ZNF804A: variants seen among roughly 807,000 people sequenced by gnomAD.
The protein encoded by ZNF804A is zinc finger protein 804A.
In ZNF804A, 2 loss-of-function variants were observed where a neutral mutation model predicts 16.5. That is an observed-to-expected ratio of 0.12 (90% CI 0.05 to 0.38). The LOEUF (loss-of-function observed/expected upper bound fraction) is 0.38, where lower values mean the gene tolerates loss of function less well. ZNF804A is among the 10% of genes least tolerant of loss of function. The pLI, the probability that ZNF804A is intolerant of heterozygous loss-of-function variation, is 0.99. For synonymous variants in ZNF804A, 534 were observed against 489.6 expected (o/e 1.09, Z -1.20); for missense variants, 1,473 against 1,390.7 (o/e 1.06, Z -0.94).
At chr2:184,747,080 A>C (rs1352974511) in intron 1 of ZNF804A, among the ~76,000 whole-genome samples, 1 of 151,224 alleles carries the variant, frequency 6.6e-6, no homozygotes, top group Admixed American at 6.6e-5. Flanking sequence ...CTGCTCCTTT[A>C]TTAGTTAGCA....
intron 1 of ZNF804A, among the ~76,000 whole-genome samples, chr2:184,610,148 G>A (rs530375088): frequency 5.9e-5 from 9 of 152,160 alleles, no homozygotes; most frequent in Non-Finnish European, 2.9e-5. Flanking sequence ...GTCCACTTGC[G>A]ATGTGATGCC....
chr2:184,622,219 A>G (rs1355841566), intron 1 of ZNF804A, among the ~76,000 whole-genome samples: 1 of 151,848 alleles, frequency 6.6e-6, no homozygotes, highest in Non-Finnish European at 1.5e-5. Flanking sequence ...TAAGTATGAT[A>G]TTAATAACTG....
chr2:184,914,817 A>G (rs1685420109), intron 2 of ZNF804A, among the ~76,000 whole-genome samples: 2 of 151,918 alleles, frequency 1.3e-5, no homozygotes, highest in East Asian at 3.9e-4. Flanking sequence ...TTATTTTCCC[A>G]TTACATCAAA....
intron 1 of ZNF804A, among the ~76,000 whole-genome samples, chr2:184,624,315 A>G (rs928015213): frequency 1.3e-5 from 2 of 152,216 alleles, no homozygotes; most frequent in African/African-American, 4.8e-5. Flanking sequence ...TAAAAATACT[A>G]TAAGACATCT....
intron 2 of ZNF804A, among the ~76,000 whole-genome samples, chr2:184,900,795 A>C (rs1685167982): frequency 6.6e-6 from 1 of 152,120 alleles, no homozygotes; most frequent in African/African-American, 2.4e-5. Flanking sequence ...AGTCCATCAG[A>C]TCCTCCGCTG....
At chr2:184,630,134 T>C (rs1691582722) in intron 1 of ZNF804A, among the ~76,000 whole-genome samples, 1 of 152,174 alleles carries the variant, frequency 6.6e-6, no homozygotes, top group Non-Finnish European at 1.5e-5. Context: ...TCTGGTACTG[T>C]AGCAGTTTTC....
chr2:184,770,183 A>G (rs1265156113), intron 1 of ZNF804A, among the ~76,000 whole-genome samples: 1 of 152,078 alleles, frequency 6.6e-6, no homozygotes, highest in African/African-American at 2.4e-5. Context: ...ACTAAAAAAT[A>G]TGTGGTCCAA....
chr2:184,794,783 T>A (rs1694605785), intron 1 of ZNF804A, among the ~76,000 whole-genome samples: 1 of 152,138 alleles, frequency 6.6e-6, no homozygotes, highest in East Asian at 1.9e-4. Flanking sequence ...TAAGGATGCA[T>A]ATAAACTTAA....
chr2:184,766,709 T>A (rs1291575799), intron 1 of ZNF804A, among the ~76,000 whole-genome samples: 1 of 151,926 alleles, frequency 6.6e-6, no homozygotes, highest in East Asian at 1.9e-4. Context: ...AAAGCGAAAG[T>A]GTCTCAAAGA....
chr2:184,672,244 T>A (rs1054238771), intron 1 of ZNF804A, among the ~76,000 whole-genome samples: 1 of 152,230 alleles, frequency 6.6e-6, no homozygotes, highest in African/African-American at 2.4e-5. Context: ...TTATGCTCTA[T>A]GGTCCTAACA....
At chr2:184,641,593 ACT>A (rs1691796913) in intron 1 of ZNF804A, among the ~76,000 whole-genome samples, 1 of 152,204 alleles carries the variant, frequency 6.6e-6, no homozygotes, top group Non-Finnish European at 1.5e-5. Flanking sequence ...AAGAAATTGC[ACT>A]GTTTCATTAT....
chr2:184,823,986 T>C (rs1695123489), intron 1 of ZNF804A, among the ~76,000 whole-genome samples: 1 of 152,310 alleles, frequency 6.6e-6, no homozygotes, highest in African/African-American at 2.4e-5. Flanking sequence ...ATATCTTTAC[T>C]TTTAATAGTA....
chr2:184,937,977 G>C lies in ZNF804A; in HGVS notation c.2581G>C (p.Glu861Gln), dbSNP rs756277343. ...CAAAAAAGAGAAAATGAAACCACAAGAAGTTGCAAAAATCGAAAGGAACTC... is the reference window on the plus strand; with the variant it reads ...CAAAAAAGAGAAAATGAAACCACAACAAGTTGCAAAAATCGAAAGGAACTC... ...EDKKEKMKPQ[E>Q]VAKIERNSEQ... Residue 861 changes from glutamate to glutamine, a missense_variant, in exon 4 of 4, where the codon GAA becomes CAA. Glu to Gln is a conservative substitution (Grantham distance 29). Coordinates refer to ENST00000302277, the MANE Select transcript of ZNF804A (RefSeq NM_194250.2). The C allele has an allele frequency of 1.9e-6, 3 of 1,613,872 alleles. No homozygotes were observed. The East Asian group carries it at 6.7e-5, about 36-fold the overall frequency.
At chr2:184,923,484 A>G (rs2105837857) in intron 2 of ZNF804A, among the ~76,000 whole-genome samples, 1 of 151,732 alleles carries the variant, frequency 6.6e-6, no homozygotes, top group South Asian at 2.1e-4. Flanking sequence ...AGATTATATC[A>G]TCTGGAACAA....
At chr2:184,870,601 G>T (rs960194446) in intron 2 of ZNF804A, among the ~76,000 whole-genome samples, 1 of 151,690 alleles carries the variant, frequency 6.6e-6, no homozygotes, top group African/African-American at 2.4e-5. Flanking sequence ...CATTCAAGTC[G>T]TTCACTGTTT....
chr2:184,825,622 A>T (rs950085673), intron 1 of ZNF804A, among the ~76,000 whole-genome samples: 18 of 152,158 alleles, frequency 1.2e-4, no homozygotes, highest in Admixed American at 1.1e-3. Flanking sequence ...CCTTTGAGAA[A>T]GAAACTCTTG....
intron 1 of ZNF804A, among the ~76,000 whole-genome samples, chr2:184,790,996 C>A (rs952854883): frequency 1.3e-5 from 2 of 152,136 alleles, no homozygotes; most frequent in Non-Finnish European, 2.9e-5. Flanking sequence ...ATGGCTACTC[C>A]TGCTCACTTT....
intron 1 of ZNF804A, among the ~76,000 whole-genome samples, chr2:184,765,422 TG>T (rs1694106803): frequency 6.6e-6 from 1 of 152,146 alleles, no homozygotes; most frequent in South Asian, 2.1e-4. Flanking sequence ...ACCCTGGGCC[TG>T]GTAGTTAAAG....
chr2:184,922,840 C>A (rs924279923), intron 2 of ZNF804A, among the ~76,000 whole-genome samples: 2 of 152,028 alleles, frequency 1.3e-5, no homozygotes, highest in African/African-American at 4.8e-5. Flanking sequence ...AATGTATGTT[C>A]TTTGAAACTT....
Sources: allele counts gnomAD v4.1 joint callset (sites outside exome capture counted in the v4.1 genomes callset), GRCh38; gene constraint gnomAD v4.1.1; transcripts MANE v1.5; gene names NCBI Gene and HGNC (gene_info 2026-07-23, HGNC 2026-07-21).